The following DYDC2 variants were observed in gnomAD, a reference collection of about 807,000 sequenced individuals.
DYDC2 encodes the protein DPY30 domain-containing protein 2.
In DYDC2, 19 loss-of-function variants were observed where a neutral mutation model predicts 18.7. That is an observed-to-expected ratio of 1.02 (90% CI 0.71 to 1.49). DYDC2 has a LOEUF of 1.49. Among genes scored for constraint, DYDC2 ranks in the 40% most tolerant of loss-of-function variants. DYDC2 has a pLI of 0.00. For missense variants in DYDC2, 179 were observed against 205.1 expected, an observed-to-expected ratio of 0.87 and a Z score of 0.78; for synonymous variants, 63 against 67.6, an observed-to-expected ratio of 0.93 and a Z score of 0.34.
chr10:80,366,628 T>C, intron 4 of DYDC2, 60 bp from the exon 5 acceptor site: 2 of 1,527,908 alleles, frequency 1.3e-6, no homozygotes. Flanking sequence ...GTTTTTGCCA[T>C]ACATCTTGTG....
chr10:80,350,627 G>A (rs563679009), intron 1 of DYDC2, among the ~76,000 whole-genome samples: 1 of 152,310 alleles, frequency 6.6e-6, no homozygotes, highest in Admixed American at 6.5e-5. Flanking sequence ...ATCAGGGATA[G>A]GAGGTTAGTC....
At chr10:80,351,256 T>C (rs1386096124) in intron 1 of DYDC2, among the ~76,000 whole-genome samples, 1 of 152,176 alleles carries the variant, frequency 6.6e-6, no homozygotes, top group Admixed American at 6.5e-5. Flanking sequence ...CCCTTGATTA[T>C]AATCAAAGAA....
intron 1 of DYDC2, 126 bp downstream of exon 1, chr10:80,356,951 G>A (rs1287265027): frequency 8.4e-6 from 6 of 711,242 alleles, no homozygotes; most frequent in African/African-American, 2.0e-5. Context: ...GCGGCAGAGT[G>A]GAGGGGGCGT....
At chr10:80,365,721 GT>G (rs1421943671) in intron 4 of DYDC2, among the ~76,000 whole-genome samples, 1 of 152,054 alleles carries the variant, frequency 6.6e-6, no homozygotes, top group African/African-American at 2.4e-5. Context: ...AAGCTTGTTT[GT>G]TTTTTTCCTG....
chr10:80,358,284 A>G (rs1328517110), intron 2 of DYDC2, among the ~76,000 whole-genome samples: 1 of 152,192 alleles, frequency 6.6e-6, no homozygotes, highest in Non-Finnish European at 1.5e-5. Context: ...AGGCTGAGAC[A>G]GCGGAATTGC....
chr10:80,346,188 G>A (rs1660428306), intron 1 of DYDC2, among the ~76,000 whole-genome samples: 1 of 151,704 alleles, frequency 6.6e-6, no homozygotes, highest in Admixed American at 6.6e-5. Context: ...AGACATTTAT[G>A]TTGTTTCCAA....
intron 2 of DYDC2, among the ~76,000 whole-genome samples, chr10:80,359,089 T>G (rs567701166): frequency 6.6e-6 from 1 of 152,300 alleles, no homozygotes; most frequent in Admixed American, 6.5e-5. Flanking sequence ...AGCCTGCTTT[T>G]ATTCCCTTAT....
At chr10:80,356,602 T>C (rs1051231043), upstream of DYDC2, 7 of 985,256 alleles carry the variant, frequency 7.1e-6, no homozygotes, top group African/African-American at 1.2e-4. Context: ...CTCAGGTGAG[T>C]CCTGCTCGAC....
At position 80,357,953 on chromosome 10, in the gene DYDC2, C is replaced by T. The variant is rs1458412671; in HGVS notation, c.-102C>T. 3 of 984,974 alleles carry T rather than the reference C, an allele frequency of 3.0e-6. No individual in the cohort carries two copies. The highest frequency in any genetic ancestry group is 3.6e-6 in the Non-Finnish European group (3 of 829,508). 61.0% of individuals were successfully genotyped at this position (984,974 alleles called of 1,614,324 possible). A position where few individuals can be genotyped will look rare whatever the true frequency, so the allele number is the denominator to read the frequency against. On this transcript the variant is annotated 5_prime_UTR_variant, in exon 2 of 5. Coordinates refer to ENST00000256039, the MANE Select transcript of DYDC2 (RefSeq NM_032372.6). ...AAACAAAGACAACCCCTATTCTTAT[C>T]ACCTTGCCTACTGAGTGCAAGTCCA...
chr10:80,359,078 C>T (rs1843578189), intron 2 of DYDC2, among the ~76,000 whole-genome samples: 1 of 152,188 alleles, frequency 6.6e-6, no homozygotes, highest in South Asian at 2.1e-4. Flanking sequence ...CTGGCTCAGG[C>T]AGCCTGCTTT....
At chr10:80,363,418 C>T (rs986467460) in intron 4 of DYDC2, among the ~76,000 whole-genome samples, 1 of 140,664 alleles carries the variant, frequency 7.1e-6, no homozygotes, top group African/African-American at 2.6e-5. Flanking sequence ...GATCTCGTCT[C>T]ACTACAGCCT....
At chr10:80,362,077 G>A (rs1206387543) in intron 2 of DYDC2, among the ~76,000 whole-genome samples, 1 of 152,204 alleles carries the variant, frequency 6.6e-6, no homozygotes, top group Non-Finnish European at 1.5e-5. Context: ...CTGTCTACTT[G>A]TTTTTCCTTC....
At chr10:80,359,306 G>A (rs6585947) in intron 2 of DYDC2, among the ~76,000 whole-genome samples, 120,068 of 152,100 alleles carry the variant, frequency 0.79, 48,309 homozygotes, top group East Asian at 0.97. Flanking sequence ...AGCTAGACAC[G>A]GGGTGCTGAT....
chr10:80,358,054 A>G lies in DYDC2; in HGVS notation c.-10+9A>G, dbSNP rs1223045013. ...AGCCTCTCCCCCCATTGGTGAGTGTACCCTAAGTTGGTCTGAGTGGGCTTT... is the reference window on the plus strand; with the variant it reads ...AGCCTCTCCCCCCATTGGTGAGTGTGCCCTAAGTTGGTCTGAGTGGGCTTT... On this transcript the variant is annotated intron_variant, in intron 2 of 4. Coordinates refer to ENST00000256039, the MANE Select transcript of DYDC2 (RefSeq NM_032372.6). 2 of 985,326 alleles carry G rather than the reference A, an allele frequency of 2.0e-6. No individual in the cohort carries two copies. The highest frequency in any genetic ancestry group is 3.5e-5 in the African/African-American group (2 of 57,170). The allele number at this position is 985,326 out of a possible 1,614,324, so 61.0% of individuals were successfully genotyped here.
upstream of DYDC2, among the ~76,000 whole-genome samples, chr10:80,356,081 G>C (rs577432860): frequency 8.6e-5 from 13 of 152,026 alleles, no homozygotes; most frequent in East Asian, 2.5e-3. Context: ...TCCCTAAAGA[G>C]AAAACTTCTG....
intron 1 of DYDC2, among the ~76,000 whole-genome samples, chr10:80,347,810 A>G (rs1411629329): frequency 1.3e-5 from 2 of 152,176 alleles, no homozygotes; most frequent in African/African-American, 4.8e-5. Context: ...CCACTGGTCT[A>G]TGTGTCTGTT....
intron 4 of DYDC2, among the ~76,000 whole-genome samples, chr10:80,366,122 TC>T (rs1481960619): frequency 9.9e-6 from 1 of 100,758 alleles, no homozygotes; most frequent in Admixed American, 1.1e-4. Context: ...AACCTCTGCC[TC>T]CCCGGTTCAA....
At chr10:80,365,936 A>G (rs899300478) in intron 4 of DYDC2, among the ~76,000 whole-genome samples, 71 of 149,562 alleles carry the variant, frequency 4.7e-4, no homozygotes, top group Non-Finnish European at 1.8e-4. Flanking sequence ...CATTATGTCC[A>G]TTTTCTACCT....
In DYDC2 at chr10:80,367,035, G is replaced by A. The variant is rs1246223734; in HGVS notation, c.*84G>A. On this transcript the variant is annotated 3_prime_UTR_variant, in exon 5 of 5. Coordinates refer to ENST00000256039, the MANE Select transcript of DYDC2 (RefSeq NM_032372.6). Reference sequence around the variant, plus strand: ...GCCAGCTAGAACCAAGATTTAAGGGGCTGTAAAAGGCAAGTTCAGGGACTC... The same window carrying A: ...GCCAGCTAGAACCAAGATTTAAGGGACTGTAAAAGGCAAGTTCAGGGACTC... 2.7e-6 allele frequency: 4 copies of A among 1,507,008 alleles called. No homozygotes were observed. The highest frequency in any genetic ancestry group is 3.5e-6 in the Non-Finnish European group (4 of 1,129,802). 93.4% of individuals were successfully genotyped at this position (1,507,008 alleles called of 1,614,324 possible).
Sources: allele counts gnomAD v4.1 joint callset (sites outside exome capture counted in the v4.1 genomes callset), GRCh38; gene constraint gnomAD v4.1.1; transcripts MANE v1.5; gene names NCBI Gene and HGNC (gene_info 2026-07-23, HGNC 2026-07-21).